The following CTNNA2 variants were observed in gnomAD, a reference collection of about 807,000 sequenced individuals.
CTNNA2 encodes catenin alpha-2.
In CTNNA2, 42 loss-of-function variants were observed where a neutral mutation model predicts 101.0. That is an observed-to-expected ratio of 0.42 (90% CI 0.32 to 0.54). The LOEUF (loss-of-function observed/expected upper bound fraction) is 0.54. Ranked by LOEUF, CTNNA2 falls within the 20% of genes least tolerant of loss-of-function variation. CTNNA2 has a pLI of 0.14. For synonymous variants in CTNNA2, 450 were observed against 456.4 expected (o/e 0.99, Z 0.18); for missense variants, 871 against 1,223.1 (o/e 0.71, Z 4.29).
chr2:80,520,489 C>T (rs891671685), intron 9 of CTNNA2, among the ~76,000 whole-genome samples: 2 of 152,126 alleles, frequency 1.3e-5, no homozygotes, highest in African/African-American at 4.8e-5. Flanking sequence ...ATGTGTTTCT[C>T]ACAGTTCTGG....
chr2:79,747,234 G>A (rs571534417), intron 3 of CTNNA2, among the ~76,000 whole-genome samples: 1 of 131,756 alleles, frequency 7.6e-6, no homozygotes, highest in Non-Finnish European at 1.7e-5. Flanking sequence ...TTTTGGCAGT[G>A]CCAAATCTAA....
intron 9 of CTNNA2, among the ~76,000 whole-genome samples, chr2:80,472,369 C>T (rs1685381043): frequency 6.6e-6 from 1 of 152,108 alleles, no homozygotes; most frequent in South Asian, 2.1e-4. Flanking sequence ...TGAAGACTGA[C>T]TTGGAGGGAG....
intron 7 of CTNNA2, among the ~76,000 whole-genome samples, chr2:80,047,740 A>T (rs1696622090): frequency 6.6e-6 from 1 of 152,212 alleles, no homozygotes; most frequent in Non-Finnish European, 1.5e-5. Flanking sequence ...CAGGGTAAGG[A>T]ATCCTGGGTC....
chr2:80,601,391 G>A (rs1000089881), intron 15 of CTNNA2, among the ~76,000 whole-genome samples: 2 of 132,766 alleles, frequency 1.5e-5, no homozygotes, highest in Non-Finnish European at 3.2e-5. Flanking sequence ...GAAACCACCT[G>A]GATTTAATGA....
At chr2:79,422,587 A>G (rs1176482222) in intron 4 of CTNNA2, among the ~76,000 whole-genome samples, 4 of 152,208 alleles carry the variant, frequency 2.6e-5, no homozygotes, top group Non-Finnish European at 5.9e-5. Context: ...TACAACTTAG[A>G]GTAAAGGCTC....
intron 9 of CTNNA2, among the ~76,000 whole-genome samples, chr2:80,465,708 A>G (rs76423104): frequency 6.6e-6 from 1 of 152,060 alleles, no homozygotes; most frequent in Non-Finnish European, 1.5e-5. Context: ...CTTCTTCTTT[A>G]TTTCTTTTAA....
intron 7 of CTNNA2, among the ~76,000 whole-genome samples, chr2:79,970,153 A>G (rs17018347): frequency 0.099 from 15,014 of 152,138 alleles, 2,247 homozygotes; most frequent in African/African-American, 0.32. Context: ...GCCTTTGGGA[A>G]CAGTGTTATA....
At chr2:80,604,304 GA>G in intron 16 of CTNNA2, 125 bp downstream of exon 16, 1 of 714,318 alleles carries the variant, frequency 1.4e-6, no homozygotes, top group Non-Finnish European at 2.4e-6. Flanking sequence ...GAGAATCACT[GA>G]TATTTTACAC....
rs1021127136 is a variant in CTNNA2, at chr2:79,613,121, G to A, written c.-5-38431G>A. ...CTTGGCCACCCAATTTTGCGGAGATGAAAACATCACCATTAGTATGTTTAC... is the reference window on the plus strand; with the variant it reads ...CTTGGCCACCCAATTTTGCGGAGATAAAAACATCACCATTAGTATGTTTAC... On this transcript the variant is annotated intron_variant, in intron 1 of 18. Transcript: ENST00000402739. Among the ~76,000 whole-genome samples, 19 of 148,030 alleles carry A rather than the reference G, an allele frequency of 1.3e-4. No homozygotes were observed. The South Asian group carries it at 4.0e-3, about 32-fold the overall frequency.
At chr2:79,215,649 A>G (rs1674245485) in intron 2 of CTNNA2, among the ~76,000 whole-genome samples, 1 of 152,066 alleles carries the variant, frequency 6.6e-6, no homozygotes, top group African/African-American at 2.4e-5. Context: ...CTGGGTTTTT[A>G]TATTTGATGA....
chr2:79,698,911 A>G (rs1235003406), intron 2 of CTNNA2, among the ~76,000 whole-genome samples: 2 of 152,094 alleles, frequency 1.3e-5, no homozygotes, highest in Non-Finnish European at 2.9e-5. Context: ...GCAGTCTTCT[A>G]CTAGCCTGTC....
intron 7 of CTNNA2, among the ~76,000 whole-genome samples, chr2:80,130,977 AGAG>A (rs1349211447): frequency 6.6e-6 from 1 of 151,290 alleles, no homozygotes; most frequent in African/African-American, 2.4e-5. Context: ...AAAAAAAAAA[AGAG>A]AAGAATTGAT....
intron 17 of CTNNA2, chr2:80,616,499 T>C (rs1188766173): frequency 6.6e-6 from 1 of 151,722 alleles, no homozygotes; most frequent in Non-Finnish European, 1.5e-5. Flanking sequence ...TCTCAATCTT[T>C]TGTGCTAAGA....
chr2:80,538,713 T>C (rs998963299), intron 9 of CTNNA2, among the ~76,000 whole-genome samples: 1 of 152,228 alleles, frequency 6.6e-6, no homozygotes, highest in Non-Finnish European at 1.5e-5. Flanking sequence ...TACAGGCTCT[T>C]TTTTGTTTCC....
intron 4 of CTNNA2, among the ~76,000 whole-genome samples, chr2:79,461,740 A>G (rs1347815049): frequency 6.6e-6 from 1 of 152,214 alleles, no homozygotes; most frequent in Non-Finnish European, 1.5e-5. Flanking sequence ...TAAGGAGACC[A>G]AAAACACAGA....
chr2:80,031,647 G>A (rs528525271), intron 7 of CTNNA2, among the ~76,000 whole-genome samples: 2 of 152,274 alleles, frequency 1.3e-5, no homozygotes, highest in South Asian at 2.1e-4. Context: ...GGGTGAATAT[G>A]ACAGATAAGG....
intron 2 of CTNNA2, among the ~76,000 whole-genome samples, chr2:79,225,286 G>C (rs908545337): frequency 6.6e-6 from 1 of 152,078 alleles, no homozygotes; most frequent in African/African-American, 2.4e-5. Context: ...CCATGTCCTT[G>C]CTAACCTTTA....
chr2:79,976,998 C>A (rs1690895173), intron 7 of CTNNA2, among the ~76,000 whole-genome samples: 1 of 152,198 alleles, frequency 6.6e-6, no homozygotes, highest in Non-Finnish European at 1.5e-5. Flanking sequence ...CACTGTAGAA[C>A]TGCCATTTTG....
At chr2:79,786,682 A>G (rs1674874198) in intron 3 of CTNNA2, among the ~76,000 whole-genome samples, 1 of 152,078 alleles carries the variant, frequency 6.6e-6, no homozygotes. Flanking sequence ...CTAGAGGAGT[A>G]CCATCCCATA....
Sources: allele counts gnomAD v4.1 joint callset (sites outside exome capture counted in the v4.1 genomes callset), GRCh38; gene constraint gnomAD v4.1.1; transcripts MANE v1.5; gene names NCBI Gene and HGNC (gene_info 2026-07-23, HGNC 2026-07-21).